Variants in ZFPM2 observed in about 807,000 individuals in gnomAD.
ZFPM2 encodes the protein zinc finger protein ZFPM2.
Under a neutral mutation model 98.6 loss-of-function variants are expected in ZFPM2, and 20 were observed. The observed-to-expected ratio is 0.20, with a 90% CI of 0.14 to 0.29. ZFPM2 has a LOEUF of 0.29. Ranked by LOEUF, ZFPM2 falls within the 10% of genes least tolerant of loss-of-function variation. ZFPM2 has a pLI of 1.00. For synonymous variants in ZFPM2, 518 were observed against 502.7 expected (o/e 1.03, Z -0.41); for missense variants, 1,310 against 1,388.6 (o/e 0.94, Z 0.90).
rs1225017454 is a variant in ZFPM2, at chr8:105,802,903, G to C, written c.2821G>C (p.Gly941Arg). The C allele has an allele frequency of 6.2e-7, 1 of 1,613,722 alleles. No homozygotes were observed. The highest frequency in any genetic ancestry group is 2.2e-5 in the East Asian group (1 of 44,842). Residue 941 changes from glycine to arginine, a missense_variant, in exon 8 of 8, where the codon GGC becomes CGC. Transcript: ENST00000407775. ...LFSSHLATLQ[G>R]LKVFSEAAQL... ...TTCATCCCACCTAGCAACCCTGCAA[G>C]GCTTGAAGGTCTTTAGTGAAGCTGC...
chr8:105,774,707 G>A (rs1231456507), intron 5 of ZFPM2, among the ~76,000 whole-genome samples: 1 of 152,094 alleles, frequency 6.6e-6, no homozygotes, highest in Admixed American at 6.6e-5. Context: ...AATGATGTTG[G>A]TTGTTCAGAG....
chr8:105,323,004 AATATT>A (rs1344320157), intron 1 of ZFPM2, among the ~76,000 whole-genome samples: 2 of 151,650 alleles, frequency 1.3e-5, no homozygotes, highest in Non-Finnish European at 2.9e-5. Flanking sequence ...TTAAAATAAG[AATATT>A]ATATATTAAA....
chr8:105,704,587 G>A (rs544301182), intron 5 of ZFPM2, among the ~76,000 whole-genome samples: 245 of 152,268 alleles, frequency 1.6e-3, no homozygotes, highest in Admixed American at 2.6e-3. Flanking sequence ...ATTCAAGCTA[G>A]CCAAGTTTAG....
intron 3 of ZFPM2, among the ~76,000 whole-genome samples, chr8:105,523,800 T>A (rs1395464327): frequency 6.6e-6 from 1 of 152,196 alleles, no homozygotes; most frequent in Non-Finnish European, 1.5e-5. Context: ...TAGGAATTTA[T>A]TTTTGTGGTA....
At chr8:105,729,752 C>T (rs1811888779) in intron 5 of ZFPM2, among the ~76,000 whole-genome samples, 1 of 151,620 alleles carries the variant, frequency 6.6e-6, no homozygotes, top group Non-Finnish European at 1.5e-5. Flanking sequence ...TAGGCAACCT[C>T]ATTTCCTCTT....
At chr8:105,412,512 T>C (rs1428565896) in intron 1 of ZFPM2, among the ~76,000 whole-genome samples, 1 of 151,690 alleles carries the variant, frequency 6.6e-6, no homozygotes, top group Non-Finnish European at 1.5e-5. Context: ...CATATGATTC[T>C]CTGGTCTGCT....
intron 5 of ZFPM2, among the ~76,000 whole-genome samples, chr8:105,769,313 T>A (rs1812930724): frequency 6.6e-6 from 1 of 152,046 alleles, no homozygotes; most frequent in South Asian, 2.1e-4. Context: ...AAAATCAGGA[T>A]CTATGATTGT....
intron 4 of ZFPM2, among the ~76,000 whole-genome samples, chr8:105,606,887 T>C (rs1816207630): frequency 6.6e-6 from 1 of 152,104 alleles, no homozygotes; most frequent in African/African-American, 2.4e-5. Flanking sequence ...TTTCCACAAT[T>C]TGTTTGTTTG....
chr8:105,403,038 G>T (rs781421599), intron 1 of ZFPM2, among the ~76,000 whole-genome samples: 5 of 151,926 alleles, frequency 3.3e-5, no homozygotes, highest in Non-Finnish European at 7.4e-5. Context: ...TTTTGGTAGA[G>T]TGCTAGTTTT....
intron 1 of ZFPM2, among the ~76,000 whole-genome samples, chr8:105,327,414 A>G (rs1748693604): frequency 6.6e-6 from 1 of 151,686 alleles, no homozygotes; most frequent in African/African-American, 2.4e-5. Flanking sequence ...GGAATATTGA[A>G]CAATGGTATA....
chr8:105,441,480 A>AAGAC (rs1563660074), intron 2 of ZFPM2, among the ~76,000 whole-genome samples: 9 of 97,628 alleles, frequency 9.2e-5, no homozygotes, highest in African/African-American at 5.7e-4. Flanking sequence ...GAAAGAAAGA[A>AAGAC]AGAAAGAAAG....
chr8:105,474,536 T>A (rs1336686034), intron 3 of ZFPM2, among the ~76,000 whole-genome samples: 1 of 151,940 alleles, frequency 6.6e-6, no homozygotes, highest in Non-Finnish European at 1.5e-5. Flanking sequence ...TTTCATAAGG[T>A]AATTGGTAAG....
chr8:105,727,780 G>C (rs1256703435), intron 5 of ZFPM2, among the ~76,000 whole-genome samples: 1 of 151,598 alleles, frequency 6.6e-6, no homozygotes, highest in Non-Finnish European at 1.5e-5. Flanking sequence ...CCATGTGCTG[G>C]GGGAAAGATA....
chr8:105,516,200 G>T (rs1586429798), intron 3 of ZFPM2, among the ~76,000 whole-genome samples: 1 of 152,026 alleles, frequency 6.6e-6, no homozygotes, highest in Non-Finnish European at 1.5e-5. Context: ...TGCTGGGATT[G>T]CAGGTGTGAG....
intron 3 of ZFPM2, among the ~76,000 whole-genome samples, chr8:105,471,827 C>G (rs1812909434): frequency 6.6e-6 from 1 of 152,114 alleles, no homozygotes; most frequent in Non-Finnish European, 1.5e-5. Context: ...TATCAGAACA[C>G]TATCAGAACT....
intron 4 of ZFPM2, among the ~76,000 whole-genome samples, chr8:105,621,122 G>A (rs1816533466): frequency 6.6e-6 from 1 of 152,182 alleles, no homozygotes; most frequent in African/African-American, 2.4e-5. Context: ...ACCTTGGGCA[G>A]TATGGCTATT....
intron 3 of ZFPM2, among the ~76,000 whole-genome samples, chr8:105,535,942 C>T (rs1230789733): frequency 6.6e-6 from 1 of 152,178 alleles, no homozygotes; most frequent in Non-Finnish European, 1.5e-5. Context: ...GCTGTGTACA[C>T]AGTTTTATGA....
intron 5 of ZFPM2, among the ~76,000 whole-genome samples, chr8:105,788,192 AT>A (rs1563564690): frequency 6.6e-6 from 1 of 152,130 alleles, no homozygotes; most frequent in East Asian, 1.9e-4. Context: ...TTTCATTTTA[AT>A]TTTCTAGATT....
intron 3 of ZFPM2, among the ~76,000 whole-genome samples, chr8:105,514,729 C>G (rs1813885763): frequency 6.6e-6 from 1 of 152,194 alleles, no homozygotes; most frequent in Non-Finnish European, 1.5e-5. Context: ...AGCTTTCATC[C>G]TACCTATGCT....
Sources: allele counts gnomAD v4.1 joint callset (sites outside exome capture counted in the v4.1 genomes callset), GRCh38; gene constraint gnomAD v4.1.1; transcripts MANE v1.5; gene names NCBI Gene and HGNC (gene_info 2026-07-23, HGNC 2026-07-21).